The following EPHB2 variants were observed in gnomAD, a reference collection of about 807,000 sequenced individuals.
EPHB2 encodes the protein ephrin type-B receptor 2.
A neutral mutation model predicts 96.4 loss-of-function variants in EPHB2; 18 were observed. The observed-to-expected ratio is 0.19, with a 90% CI of 0.13 to 0.28. The LOEUF is 0.28. EPHB2 is among the 10% of genes least tolerant of loss of function. The pLI is 1.00. For missense variants in EPHB2, 989 were observed against 1,355.4 expected (o/e 0.73, Z 4.25); for synonymous variants, 506 against 534.1 (o/e 0.95, Z 0.72).
rs916546766 is a variant in EPHB2 at position 22,885,288 on chromosome 1, C to T, written c.1428+2805C>T. Among the ~76,000 whole-genome samples, 9 of 152,208 alleles carry T rather than the reference C, an allele frequency of 5.9e-5. No individual in the cohort carries two copies. The South Asian group carries it at 1.4e-3, about 25-fold the overall frequency. ...AACTGAAAGTGTTAGTCCCCAAAGA[C>T]GGGCAACGGAAATGAGGAATCCCAG... On this transcript the variant is annotated intron_variant, in intron 6 of 15. Coordinates refer to ENST00000374630, the MANE Select transcript of EPHB2 (RefSeq NM_017449.5).
chr1:22,902,155 G>T (rs780103111), intron 9 of EPHB2, among the ~76,000 whole-genome samples: 1 of 152,076 alleles, frequency 6.6e-6, no homozygotes, highest in Non-Finnish European at 1.5e-5. Context: ...CAATTTCCTC[G>T]TCTGAAAAAC....
chr1:22,744,578 C>T (rs12142672), intron 1 of EPHB2, among the ~76,000 whole-genome samples: 1 of 144,308 alleles, frequency 6.9e-6, no homozygotes, highest in Non-Finnish European at 1.5e-5. Context: ...ACTTGAGAGG[C>T]TCAGGCAGGA....
At chr1:22,742,803 C>T (rs544899211) in intron 1 of EPHB2, among the ~76,000 whole-genome samples, 14 of 151,918 alleles carry the variant, frequency 9.2e-5, no homozygotes, top group African/African-American at 3.4e-4. Flanking sequence ...TTTCTAAGTG[C>T]TTTGATGTCT....
chr1:22,781,624 C>T, intron 2 of EPHB2, 139 bp downstream of exon 2: 3 of 780,808 alleles, frequency 3.8e-6, no homozygotes, highest in South Asian at 1.6e-5. Flanking sequence ...GCCCCACCCT[C>T]CCAATCCCCT....
chr1:22,761,448 C>T (rs1644234761), intron 1 of EPHB2, among the ~76,000 whole-genome samples: 1 of 152,098 alleles, frequency 6.6e-6, no homozygotes, highest in Admixed American at 6.5e-5. Flanking sequence ...AAATAAATAA[C>T]AGAGCATCTG....
chr1:22,848,398 T>C (rs1645575028), intron 3 of EPHB2, among the ~76,000 whole-genome samples: 1 of 152,178 alleles, frequency 6.6e-6, no homozygotes. Context: ...CCACTATCGC[T>C]CGGTGGACCT....
chr1:22,817,788 C>T (rs928259080), intron 3 of EPHB2, among the ~76,000 whole-genome samples: 2 of 152,200 alleles, frequency 1.3e-5, no homozygotes, highest in Admixed American at 1.3e-4. Flanking sequence ...GGGATCCGAG[C>T]CCTTGGACTG....
chr1:22,911,534 G>T (rs1640105480), intron 14 of EPHB2, among the ~76,000 whole-genome samples: 1 of 152,262 alleles, frequency 6.6e-6, no homozygotes, highest in East Asian at 1.9e-4. Context: ...GTGTTCACTT[G>T]GGGACCTGGT....
intron 2 of EPHB2, among the ~76,000 whole-genome samples, chr1:22,783,597 A>G (rs1332642825): frequency 6.6e-6 from 1 of 152,190 alleles, no homozygotes; most frequent in African/African-American, 2.4e-5. Flanking sequence ...GAAGTGTGCA[A>G]AAGACTCAGC....
intron 1 of EPHB2, among the ~76,000 whole-genome samples, chr1:22,781,145 C>G (rs1644524775): frequency 6.6e-6 from 1 of 151,796 alleles, no homozygotes; most frequent in African/African-American, 2.4e-5. Context: ...ACGGTGAAAC[C>G]CTGTCTCTAC....
chr1:22,754,455 G>A (rs935123161), intron 1 of EPHB2, among the ~76,000 whole-genome samples: 20 of 152,196 alleles, frequency 1.3e-4, no homozygotes, highest in Non-Finnish European at 1.9e-4. Context: ...GACCATGTCC[G>A]GCTCCAGCCT....
chr1:22,748,179 A>T (rs1255701153), intron 1 of EPHB2, among the ~76,000 whole-genome samples: 1 of 152,198 alleles, frequency 6.6e-6, no homozygotes, highest in Non-Finnish European at 1.5e-5. Flanking sequence ...ATGTGTTTCC[A>T]CACGTGAAGC....
chr1:22,823,215 G>A (rs1645176775), intron 3 of EPHB2, among the ~76,000 whole-genome samples: 1 of 152,210 alleles, frequency 6.6e-6, no homozygotes, highest in African/African-American at 2.4e-5. Flanking sequence ...TTTTGCACAC[G>A]AAACACAACG....
intron 1 of EPHB2, among the ~76,000 whole-genome samples, chr1:22,779,262 A>G (rs1409837179): frequency 6.6e-6 from 1 of 152,226 alleles, no homozygotes; most frequent in Non-Finnish European, 1.5e-5. Context: ...TTGCCATCAA[A>G]AAGATGCCCT....
intron 3 of EPHB2, among the ~76,000 whole-genome samples, chr1:22,808,164 G>A (rs557543958): frequency 2.2e-3 from 336 of 151,998 alleles, no homozygotes; most frequent in Non-Finnish European, 3.7e-3. Flanking sequence ...GAAAAGAAAA[G>A]CAAATTCCAG....
chr1:22,790,506 T>C lies in EPHB2; in HGVS notation c.811+5430T>C, dbSNP rs1035572275. 1.3e-5 allele frequency among the ~76,000 whole-genome samples: 2 copies of C among 152,202 alleles called. No individual in the cohort carries two copies. The highest frequency in any genetic ancestry group is 2.9e-5 in the Non-Finnish European group (2 of 68,042). ...CCGCACCCAAGTCTGTTTCTCTGACTCTTTCTAGAGTATGATAGGTGTGAT... is the reference window on the plus strand; with the variant it reads ...CCGCACCCAAGTCTGTTTCTCTGACCCTTTCTAGAGTATGATAGGTGTGAT... On this transcript the variant is annotated intron_variant, in intron 3 of 15. Transcript: ENST00000374630. This position sits in a 1 kb window ranked among gnomAD's most constrained non-coding sequence, Gnocchi z 4.0.
chr1:22,826,243 T>C (rs1039741961), intron 3 of EPHB2, among the ~76,000 whole-genome samples: 3 of 152,090 alleles, frequency 2.0e-5, no homozygotes, highest in African/African-American at 7.2e-5. Flanking sequence ...AGTGCACTCT[T>C]TAGAAAAAGG....
intron 1 of EPHB2, among the ~76,000 whole-genome samples, chr1:22,740,408 G>A (rs1417340027): frequency 6.6e-6 from 1 of 152,158 alleles, no homozygotes; most frequent in Admixed American, 6.5e-5. Flanking sequence ...AAATGCCAGT[G>A]GTACCCAGTA....
chr1:22,917,820 A>G lies in EPHB2; in HGVS notation c.*4250A>G, dbSNP rs557653334. 6.6e-6 allele frequency: 1 copy of G among 152,310 alleles called. No homozygotes were observed. Among genetic ancestry groups the G allele is most frequent in the African/African-American group, 2.4e-5 (1 of 41,544 alleles). 9.4% of individuals were successfully genotyped at this position (152,310 alleles called of 1,614,324 possible). On this transcript the variant is annotated 3_prime_UTR_variant, in exon 16 of 16. Coordinates refer to ENST00000374630, the MANE Select transcript of EPHB2 (RefSeq NM_017449.5). The stretch of plus-strand genomic sequence containing the variant: ...AACAGTTGGTGTCTGATGCTGGCCA[A>G]TAAGAGAAAAGAAAGCTCAAGTGGG...
Sources: allele counts gnomAD v4.1 joint callset (sites outside exome capture counted in the v4.1 genomes callset), GRCh38; gene constraint gnomAD v4.1.1; non-coding constraint Gnocchi (gnomAD v3.1); transcripts MANE v1.5; gene names NCBI Gene and HGNC (gene_info 2026-07-23, HGNC 2026-07-21).